MYO1F: variants seen among roughly 807,000 people sequenced by gnomAD.
The protein encoded by MYO1F is unconventional myosin-If.
In MYO1F, 60 loss-of-function variants were observed where a neutral mutation model predicts 146.6. The observed-to-expected ratio is 0.41, with a 90% confidence interval of 0.33 to 0.51. MYO1F has a LOEUF of 0.51. MYO1F is among the 20% of genes least tolerant of loss of function. The pLI is 0.25. For missense variants in MYO1F, 1,274 were observed against 1,534.3 expected (o/e 0.83, Z 2.83); for synonymous variants, 602 against 602.1 (o/e 1.00, Z 0.00).
At chr19:8,553,942 T>TCTCTCTCTCTTTC (rs1973735871) in intron 4 of MYO1F, among the ~76,000 whole-genome samples, 1 of 150,264 alleles carries the variant, frequency 6.7e-6, no homozygotes, top group African/African-American at 2.4e-5. Context: ...TCTCTCTCTC[T>TCTCTCTCTCTTTC]GCTCTCATAG....
chr19:8,521,634 C>T (rs1460702073), intron 27 of MYO1F, 30 bp from the exon 28 acceptor site: 2 of 1,604,956 alleles, frequency 1.2e-6, no homozygotes, highest in South Asian at 1.1e-5. Flanking sequence ...TTGAGGTGCC[C>T]CTAGCTGGCC....
chr19:8,560,195 A>G (rs914386456), intron 1 of MYO1F, among the ~76,000 whole-genome samples: 1 of 150,952 alleles, frequency 6.6e-6, no homozygotes. Context: ...AGCAAAGAAC[A>G]GGTTCTTGGC....
rs752136118 is a variant in MYO1F at position 8,522,846 on chromosome 19, G to A, written c.2855-17C>T. ...GATCCATGCCTGTGGCAGGAGCAAGGATGAAGACATGTATTAGGGTGATGC... is the reference window on the plus strand; with the variant it reads ...GATCCATGCCTGTGGCAGGAGCAAGAATGAAGACATGTATTAGGGTGATGC... On this transcript the variant is annotated splice_polypyrimidine_tract_variant and intron_variant, in intron 25 of 27. Coordinates refer to ENST00000644032, the MANE Select transcript of MYO1F (RefSeq NM_012335.4). 19 of 1,545,784 alleles carry A rather than the reference G, an allele frequency of 1.2e-5. 1 individual carries two copies. In the Admixed American group the frequency reaches 3.3e-4, roughly 27 times the overall value.
chr19:8,563,294 CTTTTTTTTT>C (rs938198498), intron 1 of MYO1F, among the ~76,000 whole-genome samples: 2 of 118,652 alleles, frequency 1.7e-5, no homozygotes, highest in African/African-American at 6.5e-5. Context: ...TGCTTGGCCA[CTTTTTTTTT>C]TTTTTTTTTT....
intron 1 of MYO1F, among the ~76,000 whole-genome samples, chr19:8,568,162 A>G (rs1202358597): frequency 6.6e-6 from 1 of 151,986 alleles, no homozygotes; most frequent in Non-Finnish European, 1.5e-5. Context: ...GGTGGCTCAC[A>G]CCTGTGATCC....
chr19:8,540,845 A>G (rs116023727), intron 15 of MYO1F, among the ~76,000 whole-genome samples: 3,750 of 152,160 alleles, frequency 0.025, 86 homozygotes, highest in African/African-American at 0.062. Flanking sequence ...TTACGTGCAC[A>G]TGGATCCCTG....
chr19:8,543,981 G>T (rs1356862513), intron 14 of MYO1F: 3 of 378,822 alleles, frequency 7.9e-6, no homozygotes, highest in Admixed American at 7.8e-5. Context: ...GCTGGTGCTG[G>T]TGCTGGTGGT....
chr19:8,551,111 G>T (rs147912338), intron 8 of MYO1F, among the ~76,000 whole-genome samples: 1,884 of 151,594 alleles, frequency 0.012, 15 homozygotes, highest in Middle Eastern at 0.044. Context: ...GAGTGCAGCG[G>T]CGCTATCTTG....
chr19:8,555,125 C>T (rs1357106386), intron 2 of MYO1F, among the ~76,000 whole-genome samples: 4 of 151,798 alleles, frequency 2.6e-5, no homozygotes, highest in Non-Finnish European at 1.5e-5. Context: ...GCAGAGGTTG[C>T]AGCGAGCTAT....
At chr19:8,554,365 G>T (rs1171139474) in intron 4 of MYO1F, 112 bp downstream of exon 4, 1 of 873,362 alleles carries the variant, frequency 1.1e-6, no homozygotes. Context: ...GGCAGAGAGG[G>T]ACAGCAGGGC....
At chr19:8,525,646 C>T in intron 24 of MYO1F, 84 bp from the exon 25 acceptor site, 7 of 1,103,218 alleles carry the variant, frequency 6.3e-6, no homozygotes, top group Admixed American at 2.0e-5. Context: ...TCTGAGGCTC[C>T]GCCGCACCCC....
At chr19:8,567,478 C>T (rs977202775) in intron 1 of MYO1F, among the ~76,000 whole-genome samples, 2 of 152,030 alleles carry the variant, frequency 1.3e-5, no homozygotes, top group African/African-American at 4.8e-5. Context: ...AAGCGATTCT[C>T]CTGCCTCAGC....
At chr19:8,527,221 A>C in intron 22 of MYO1F, 117 bp downstream of exon 22, 1 of 1,403,016 alleles carries the variant, frequency 7.1e-7, no homozygotes, top group Non-Finnish European at 9.9e-7. Flanking sequence ...GGGCCAACAG[A>C]GGGCTACAGG....
intron 24 of MYO1F, among the ~76,000 whole-genome samples, chr19:8,526,199 C>T (rs1473232178): frequency 1.3e-5 from 2 of 152,138 alleles, no homozygotes; most frequent in Non-Finnish European, 2.9e-5. Context: ...CGGTGGCAGG[C>T]GCCTGTAATC....
At chr19:8,525,272 G>T (rs1972218583) in intron 25 of MYO1F, 3 of 547,460 alleles carry the variant, frequency 5.5e-6, no homozygotes, top group Non-Finnish European at 9.8e-6. Flanking sequence ...GAAGATGTCA[G>T]TGGTTAGCTG....
At chr19:8,573,153 A>C (rs904893987) in intron 1 of MYO1F, among the ~76,000 whole-genome samples, 7 of 152,078 alleles carry the variant, frequency 4.6e-5, no homozygotes, top group Non-Finnish European at 1.0e-4. Context: ...CTAAAAAAAT[A>C]GAAAAAAATT....
In MYO1F at chr19:8,526,510, T is replaced by C; in HGVS notation, c.2713A>G (p.Lys905Glu). Residue 905 changes from lysine to glutamate, a missense_variant, in exon 24 of 28, where the codon AAG becomes GAG. Lys to Glu is a moderately conservative substitution (Grantham distance 56, BLOSUM62 1). Around this residue, in one of 2 missense-constraint regions of MYO1F, gnomAD observed 374 missense variants for 379.2 expected, o/e 0.99. Transcript: ENST00000644032. ...ACCGTGAGGGTCCGACCGCCAACCT[T>C]GAGCACTGCCAAGTCGCCGAAGCCG... ...SRGFGDLAVL[K>E]VGGRTLTVSV... 1 of 1,582,168 alleles carries C rather than the reference T, an allele frequency of 6.3e-7. No individual in the cohort carries two copies. Among genetic ancestry groups the C allele is most frequent in the African/African-American group, 1.3e-5 (1 of 74,866 alleles).
intron 21 of MYO1F, among the ~76,000 whole-genome samples, chr19:8,528,647 G>C (rs1972363213): frequency 6.6e-6 from 1 of 152,198 alleles, no homozygotes; most frequent in African/African-American, 2.4e-5. Context: ...GGGTGTTTGG[G>C]TCAGTGAACA....
chr19:8,560,899 G>A (rs1600029291), intron 1 of MYO1F, among the ~76,000 whole-genome samples: 2 of 151,904 alleles, frequency 1.3e-5, no homozygotes, highest in South Asian at 4.2e-4. Context: ...CCACCACGGC[G>A]GCTAATTTTT....
Sources: allele counts gnomAD v4.1 joint callset (sites outside exome capture counted in the v4.1 genomes callset), GRCh38; gene constraint gnomAD v4.1.1; regional missense constraint gnomAD v4.1.1; transcripts MANE v1.5; gene names NCBI Gene and HGNC (gene_info 2026-07-23, HGNC 2026-07-21).